IQCE: variants seen among roughly 807,000 people sequenced by gnomAD.
IQCE encodes IQ motif containing E.
A neutral mutation model predicts 96.0 loss-of-function variants in IQCE; 115 were observed. The ratio of observed to expected loss-of-function variants is 1.20; its 90% CI spans 1.03 to 1.40. IQCE has a LOEUF of 1.40. Among genes scored for constraint, IQCE ranks in the 40% most tolerant of loss-of-function variants. The pLI, the probability that IQCE is intolerant of heterozygous loss-of-function variation, is 0.00. For missense variants in IQCE, 1,041 were observed against 909.1 expected (o/e 1.15, Z -1.87); for synonymous variants, 412 against 371.2 (o/e 1.11, Z -1.26).
chr7:2,565,005 C>G (rs1308865777), intron 1 of IQCE, among the ~76,000 whole-genome samples: 2 of 152,176 alleles, frequency 1.3e-5, no homozygotes, highest in Non-Finnish European at 2.9e-5. Flanking sequence ...TGAGCTTAAC[C>G]TACTGTGGAA....
rs1784212560 is a variant in IQCE at position 2,598,475 on chromosome 7, TC to T, written c.1454del (p.Pro485GlnfsTer79). The T allele has an allele frequency of 6.3e-7, 1 of 1,583,648 alleles. No homozygotes were observed. Among genetic ancestry groups the T allele is most frequent in the Non-Finnish European group, 8.6e-7 (1 of 1,166,006 alleles). Reference protein sequence around the residue: ...CPEVPHKAQELPAPTPSSRHC... With the variant: ...CPEVPHKAQEXPAPTPSSRHC... Reference sequence around the variant, plus strand: ...TTCAATTTCCTGCAGGCCCAAGAGCTCCCAGCTCCCACTCCCAGCAGCAGGC... The same window carrying T: ...TTCAATTTCCTGCAGGCCCAAGAGCTCCAGCTCCCACTCCCAGCAGCAGGC... On this transcript the variant is annotated frameshift_variant, in exon 17 of 22. Transcript: ENST00000402050. LOFTEE classifies it high-confidence loss of function.
intron 21 of IQCE, 36 bp from the exon 22 acceptor site, chr7:2,610,008 G>T (rs542823543): frequency 1.7e-6 from 2 of 1,193,546 alleles, no homozygotes; most frequent in Non-Finnish European, 2.5e-6. Flanking sequence ...TGAGGTCAGC[G>T]TGGCTGACCC....
chr7:2,604,915 A>T lies in IQCE; in HGVS notation c.1667A>T (p.His556Leu). ...GTGCTTCAGGCAGCTTTCAGGGGAC[A>T]TCTCACGCGGACAAAGCTCTTAGCA... ...AVVLQAAFRG[H>L]LTRTKLLASK... Residue 556 changes from histidine (H) to leucine (L), a missense_variant, in exon 19 of 22, where the codon CAT becomes CTT. By Grantham distance (99) the His-to-Leu change is moderately conservative. Transcript: ENST00000402050. The T allele has an allele frequency of 6.2e-7, 1 of 1,613,678 alleles. No individual in the cohort carries two copies. Among genetic ancestry groups the T allele is most frequent in the Non-Finnish European group, 8.5e-7 (1 of 1,179,920 alleles).
chr7:2,572,471 G>A, intron 5 of IQCE, 145 bp downstream of exon 5: 1 of 894,088 alleles, frequency 1.1e-6, no homozygotes, highest in Non-Finnish European at 1.7e-6. Flanking sequence ...GGAGGTCGTG[G>A]GAGCAGTGAC....
chr7:2,559,160 G>A lies in IQCE; in HGVS notation c.-22G>A. On this transcript the variant is annotated 5_prime_UTR_variant, in exon 1 of 22. Transcript: ENST00000402050. ...ACGCCCGAGCCAGCAACCCTGAGGG[G>A]CGGCCGGGCAGCGCCGCCACCATGT... The A allele has an allele frequency of 8.2e-7, 1 of 1,214,356 alleles. No individual in the cohort carries two copies. 75.2% of individuals were successfully genotyped at this position (1,214,356 alleles called of 1,614,324 possible). A position where few individuals can be genotyped will look rare whatever the true frequency, so the allele number is the denominator to read the frequency against.
chr7:2,589,809 G>T, intron 13 of IQCE, 98 bp from the exon 14 acceptor site: 1 of 1,184,308 alleles, frequency 8.4e-7, no homozygotes, highest in Non-Finnish European at 1.2e-6. Context: ...CCCTGCTGGA[G>T]ACTCAGTTTG....
intron 18 of IQCE, among the ~76,000 whole-genome samples, chr7:2,604,011 T>TA (rs1784618798): frequency 7.0e-6 from 1 of 143,330 alleles, no homozygotes; most frequent in Non-Finnish European, 1.5e-5. Context: ...TTTTTTGAGA[T>TA]AGAGTCTCAC....
intron 1 of IQCE, among the ~76,000 whole-genome samples, chr7:2,562,481 G>A (rs1271052783): frequency 6.6e-6 from 1 of 151,908 alleles, no homozygotes; most frequent in Non-Finnish European, 1.5e-5. Context: ...TTTTTAGAAG[G>A]GTTTGTGAAG....
At chr7:2,601,841 C>T (rs7787887) in intron 18 of IQCE, 74,754 of 212,852 alleles carry the variant, frequency 0.35, 14,202 homozygotes, top group African/African-American at 0.47. Context: ...TGAGCCACCG[C>T]GCCCGGCAAG....
At chr7:2,605,751 GC>G in intron 19 of IQCE, 124 bp from the exon 20 acceptor site, 1 of 992,906 alleles carries the variant, frequency 1.0e-6, no homozygotes, top group Non-Finnish European at 1.4e-6. Flanking sequence ...GGGAGGCAGG[GC>G]CATCTGAAAA....
intron 16 of IQCE, 56 bp downstream of exon 16, chr7:2,595,032 ACG>A (rs1328399624): frequency 8.0e-7 from 1 of 1,245,706 alleles, no homozygotes; most frequent in East Asian, 2.3e-5. Flanking sequence ...TTTGGTCGTG[ACG>A]GTTCTGACCG....
intron 8 of IQCE, among the ~76,000 whole-genome samples, chr7:2,579,803 G>A (rs889061463): frequency 2.0e-5 from 3 of 151,712 alleles, no homozygotes; most frequent in Non-Finnish European, 4.4e-5. Context: ...GCGTGCAGTG[G>A]CAGGATCATG....
In IQCE at chr7:2,584,295, C is replaced by A. The variant is rs1330795529; in HGVS notation, c.824+10C>A. The A allele has an allele frequency of 1.2e-6, 2 of 1,613,286 alleles. No homozygotes were observed. Among genetic ancestry groups the A allele is most frequent in the Non-Finnish European group, 8.5e-7 (1 of 1,179,308 alleles). ...AAACCACCGGAAAGAAGTATGATGG[C>A]CGCTTGCAAGCTGTGTTTTGTGTGT... On this transcript the variant is annotated intron_variant, in intron 11 of 21. Coordinates refer to ENST00000402050, the MANE Select transcript of IQCE (RefSeq NM_152558.5).
At chr7:2,571,316 G>A (rs1220414129) in intron 3 of IQCE, 1 of 559,922 alleles carries the variant, frequency 1.8e-6, no homozygotes, top group Non-Finnish European at 3.1e-6. Context: ...ACCATGCCTG[G>A]CCTCATTATG....
At chr7:2,569,376 G>A (rs1037521098) in intron 3 of IQCE, among the ~76,000 whole-genome samples, 1 of 152,194 alleles carries the variant, frequency 6.6e-6, no homozygotes, top group African/African-American at 2.4e-5. Context: ...CCTGGGATTT[G>A]TTCCTGAGAG....
intron 2 of IQCE, among the ~76,000 whole-genome samples, 173 bp from the exon 3 acceptor site, chr7:2,568,781 G>C (rs564644196): frequency 8.5e-5 from 13 of 152,126 alleles, no homozygotes; most frequent in African/African-American, 3.1e-4. Context: ...CATTTTTGTG[G>C]GGTCTGCATC....
At chr7:2,608,441 T>G (rs563919975) in intron 21 of IQCE, among the ~76,000 whole-genome samples, 7 of 152,392 alleles carry the variant, frequency 4.6e-5, no homozygotes, top group Non-Finnish European at 8.8e-5. Context: ...AATCACATTT[T>G]ATTTTCATTT....
rs150273271 is a variant in IQCE at position 2,607,193 on chromosome 7, C to T, written c.1935C>T (p.Asp645=). 6.4e-4 allele frequency: 1,028 copies of T among 1,613,654 alleles called. 8 individuals carry two copies. In the East Asian group the frequency reaches 0.017, roughly 27 times the overall value. Residue 645 remains aspartate (D), a synonymous_variant, in exon 21 of 22, where the codon GAC becomes GAT. Transcript: ENST00000402050. ...GATCGGCTTCAGCCACACACGGGGA[C>T]GCCTCCTCCCCACCCTTCCTCGCAG... is the stretch of plus-strand genomic sequence containing the variant. ...RRRSASATHG[D]ASSPPFLAAL...
intron 12 of IQCE, 127 bp downstream of exon 12, chr7:2,586,498 C>T (rs1199331770): frequency 9.8e-7 from 1 of 1,020,310 alleles, no homozygotes; most frequent in Non-Finnish European, 1.4e-6. Flanking sequence ...TGGGCAACGC[C>T]AGTTCCCACA....
Sources: allele counts gnomAD v4.1 joint callset (sites outside exome capture counted in the v4.1 genomes callset), GRCh38; gene constraint gnomAD v4.1.1; transcripts MANE v1.5; gene names NCBI Gene and HGNC (gene_info 2026-07-23, HGNC 2026-07-21).